CTDP1: variants seen among roughly 807,000 people sequenced by gnomAD.
The protein encoded by CTDP1 is CTD phosphatase 1, also known as RNA polymerase II subunit A C-terminal domain phosphatase.
Under a neutral mutation model 91.8 loss-of-function variants are expected in CTDP1, and 47 were observed. The ratio of observed to expected loss-of-function variants is 0.51; its 90% CI spans 0.41 to 0.65. CTDP1 has a LOEUF of 0.65. Among genes scored for constraint, CTDP1 ranks in the 30% least tolerant of loss-of-function variants. The pLI, the probability that CTDP1 is intolerant of heterozygous loss-of-function variation, is 0.00. For missense variants in CTDP1, 1,272 were observed against 1,373.7 expected, an observed-to-expected ratio of 0.93 and a Z score of 1.17; for synonymous variants, 656 against 598.5, an observed-to-expected ratio of 1.10 and a Z score of -1.40.
At chr18:79,735,761 C>T (rs1172763207) in intron 11 of CTDP1, 1 of 157,570 alleles carries the variant, frequency 6.3e-6, no homozygotes, top group African/African-American at 2.4e-5. Flanking sequence ...TCTGTTGCCA[C>T]TCCCGTCCGC....
At position 79,704,857 on chromosome 18, in the gene CTDP1, A is replaced by G; in HGVS notation, c.712A>G (p.Lys238Glu). 1 of 1,613,996 alleles carries G rather than the reference A, an allele frequency of 6.2e-7. No homozygotes were observed. ...HCKDFLEKIAKLYELHVFTFG... is the reference protein window; with the variant it reads ...HCKDFLEKIAELYELHVFTFG... ...CAAGGACTTCCTGGAGAAGATCGCCAAGCTGTACGAGCTGCACGTCTTCAC... is the reference window on the plus strand; with the variant it reads ...CAAGGACTTCCTGGAGAAGATCGCCGAGCTGTACGAGCTGCACGTCTTCAC... The change falls in exon 5 of 13, where the codon AAG becomes GAG. Residue 238 changes from lysine to glutamate, a missense_variant. Transcript: ENST00000613122.
Position 79,713,587 on chromosome 18 carries a change from C to G in CTDP1, c.1030+449C>G, listed in dbSNP as rs954564094. ...GAGCAGCGTGGTTTAACTTGTCAGTCAGGCATGCAGCTGACGTCCACCCTA... is the reference window on the plus strand; with the variant it reads ...GAGCAGCGTGGTTTAACTTGTCAGTGAGGCATGCAGCTGACGTCCACCCTA... On this transcript the variant is annotated intron_variant, in intron 7 of 12. Transcript: ENST00000613122. This position sits in a 1 kb window ranked among gnomAD's most constrained non-coding sequence, Gnocchi z 4.7. Among the ~76,000 whole-genome samples the G allele has an allele frequency of 3.9e-5, 6 of 152,218 alleles. No homozygotes were observed. The highest frequency in any genetic ancestry group is 1.4e-4 in the African/African-American group (6 of 41,450).
intron 12 of CTDP1, among the ~76,000 whole-genome samples, chr18:79,746,796 T>C (rs922843106): frequency 6.6e-6 from 1 of 152,140 alleles, no homozygotes; most frequent in African/African-American, 2.4e-5. Context: ...TTTTTAAAAT[T>C]TTTTTGTAGA....
In CTDP1 at chr18:79,753,828, T is replaced by G; in HGVS notation, c.*38T>G. On this transcript the variant is annotated 3_prime_UTR_variant, in exon 13 of 13. Transcript: ENST00000613122. ...GGCAGGGACTGAAGCCTGACCGACC[T>G]CCAGCAGCACTCGGACGTCCCCGGA... 3 of 1,606,474 alleles carry G rather than the reference T, an allele frequency of 1.9e-6. No homozygotes were observed. Among genetic ancestry groups the G allele is most frequent in the Non-Finnish European group, 1.7e-6 (2 of 1,177,446 alleles).
intron 4 of CTDP1, 149 bp downstream of exon 4, chr18:79,698,137 G>T: frequency 8.3e-7 from 1 of 1,205,438 alleles, no homozygotes; most frequent in South Asian, 1.3e-5. Context: ...GGCGTGGGCC[G>T]TGTGTCTGCT....
intron 1 of CTDP1, among the ~76,000 whole-genome samples, chr18:79,684,681 C>G (rs1295525128): frequency 1.3e-5 from 2 of 152,202 alleles, no homozygotes; most frequent in Non-Finnish European, 2.9e-5. Flanking sequence ...CAACATTTAT[C>G]CTAACCACAT....
chr18:79,721,450 A>C (rs938156236), intron 10 of CTDP1, among the ~76,000 whole-genome samples: 1 of 152,122 alleles, frequency 6.6e-6, no homozygotes, highest in Non-Finnish European at 1.5e-5. Context: ...CTGTCATTCT[A>C]ATCAGTAGAA....
At chr18:79,694,386 C>T (rs2085699790) in intron 1 of CTDP1, among the ~76,000 whole-genome samples, 1 of 104,952 alleles carries the variant, frequency 9.5e-6, no homozygotes, top group Non-Finnish European at 2.1e-5. Context: ...GAGTGCCGGG[C>T]AGCCTCGTGT....
At chr18:79,680,504 A>C (rs1390897068) in intron 1 of CTDP1, among the ~76,000 whole-genome samples, 1 of 152,238 alleles carries the variant, frequency 6.6e-6, no homozygotes. Context: ...TACTGTTTGG[A>C]AAAGCTATGT....
At chr18:79,678,036 A>T (rs772931756), upstream of CTDP1, 9 of 152,260 alleles carry the variant, frequency 5.9e-5, no homozygotes, top group Non-Finnish European at 1.3e-4. Context: ...GGGCTGGAGA[A>T]AGCAGCAGAG....
chr18:79,714,508 A>C lies in CTDP1; in HGVS notation c.1048A>C (p.Thr350Pro). Reference sequence around the variant, plus strand: ...ATATTTAGTAAATCATTCTCGAGGCACTGAGGTCTCAGAGCCATCTCCGCC... The same window carrying C: ...ATATTTAGTAAATCATTCTCGAGGCCCTGAGGTCTCAGAGCCATCTCCGCC... ...TRKKVNHSRGTEVSEPSPPVR... is the reference protein window; with the variant it reads ...TRKKVNHSRGPEVSEPSPPVR... Residue 350 changes from threonine to proline, a missense_variant, in exon 8 of 13, where the codon ACT becomes CCT. Transcript: ENST00000613122. The C allele has an allele frequency of 6.2e-7, 1 of 1,613,102 alleles. No homozygotes were observed. Among genetic ancestry groups the C allele is most frequent in the Non-Finnish European group, 8.5e-7 (1 of 1,180,004 alleles).
chr18:79,699,882 G>T (rs1049750720), intron 4 of CTDP1, among the ~76,000 whole-genome samples: 7 of 152,196 alleles, frequency 4.6e-5, no homozygotes, highest in Non-Finnish European at 8.8e-5. Context: ...CAGCCTCCTC[G>T]TTAGTGCTCT....
Position 79,710,463 on chromosome 18 carries a change from A to G in CTDP1, c.863+27A>G, listed in dbSNP as rs1428117883. ...TATGTACCCAGCCGCGCTCCTCACA[A>G]AGACCTCGCTGTTCATTTCCCATTT... On this transcript the variant is annotated intron_variant, in intron 6 of 12. Transcript: ENST00000613122. 4.1e-6 allele frequency: 6 copies of G among 1,469,890 alleles called. No individual in the cohort carries two copies. In the Admixed American group the frequency reaches 5.0e-5, roughly 12 times the overall value. 91.1% of individuals were successfully genotyped at this position (1,469,890 alleles called of 1,614,324 possible).
chr18:79,679,541 G>T (rs2085307513), upstream of CTDP1: 1 of 460,156 alleles, frequency 2.2e-6, no homozygotes, highest in Admixed American at 2.3e-5. Context: ...CTCTGTCCGC[G>T]GTGCACGCCG....
At chr18:79,705,528 G>T (rs912174208) in intron 5 of CTDP1, among the ~76,000 whole-genome samples, 1 of 151,778 alleles carries the variant, frequency 6.6e-6, no homozygotes, top group East Asian at 1.9e-4. Flanking sequence ...GACAGCGACC[G>T]TCTGTTCCAC....
At chr18:79,686,853 T>C (rs613419) in intron 1 of CTDP1, among the ~76,000 whole-genome samples, 21,807 of 116,714 alleles carry the variant, frequency 0.19, 2,047 homozygotes, top group Middle Eastern at 0.27. Flanking sequence ...GTTGGCTTCG[T>C]CAGTTCACTG....
At chr18:79,731,088 G>A (rs951347370) in intron 11 of CTDP1, among the ~76,000 whole-genome samples, 14 of 152,140 alleles carry the variant, frequency 9.2e-5, no homozygotes, top group Non-Finnish European at 1.9e-4. Context: ...CCTGTGAGAC[G>A]GACTAGGTAC....
Position 79,753,660 on chromosome 18 carries a change from A to G in CTDP1, c.2756A>G (p.Lys919Arg), listed in dbSNP as rs2087044982. The change falls in exon 13 of 13, where the codon AAG becomes AGG. Residue 919 changes from lysine to arginine, a missense_variant. Lys to Arg is a conservative substitution (Grantham distance 26, BLOSUM62 2). Around this residue, in one of 3 missense-constraint regions of CTDP1, gnomAD observed 881 missense variants for 911.6 expected, o/e 0.97. Coordinates refer to ENST00000613122, the MANE Select transcript of CTDP1 (RefSeq NM_004715.5). ...TGTTTGCTTCTCTGCAGAGGCCACA[A>G]GAGGAAGCTGAATGAAGAGGACGCC... is the stretch of plus-strand genomic sequence containing the variant. ...AAGGRGPRGHKRKLNEEDAAS... is the reference protein window; with the variant it reads ...AAGGRGPRGHRRKLNEEDAAS... 6.2e-7 allele frequency: 1 copy of G among 1,614,058 alleles called. No individual in the cohort carries two copies. Among genetic ancestry groups the G allele is most frequent in the Admixed American group, 1.7e-5 (1 of 60,008 alleles).
rs533070914 is a variant in CTDP1 at position 79,695,987 on chromosome 18, A to G, written c.409A>G (p.Lys137Glu). Residue 137 changes from lysine (K) to glutamate (E), a missense_variant, in exon 3 of 13, where the codon AAG becomes GAG. Lys to Glu is a moderately conservative substitution (Grantham distance 56). Around this residue, in one of 3 missense-constraint regions of CTDP1, gnomAD observed 177 missense variants for 283.0 expected, o/e 0.63. Transcript: ENST00000613122. ...TCCTTGCACTTGCAGGTTGCAGAGTAAGAACGGGAAGCAGCAGGTGCCGCT... is the reference window on the plus strand; with the variant it reads ...TCCTTGCACTTGCAGGTTGCAGAGTGAGAACGGGAAGCAGCAGGTGCCGCT... ...CGQDLTQLQS[K>E]NGKQQVPLST... 2 of 1,612,490 alleles carry G rather than the reference A, an allele frequency of 1.2e-6. No homozygotes were observed. Among genetic ancestry groups the G allele is most frequent in the Admixed American group, 3.3e-5 (2 of 60,030 alleles).
Sources: allele counts gnomAD v4.1 joint callset (sites outside exome capture counted in the v4.1 genomes callset), GRCh38; gene constraint gnomAD v4.1.1; regional missense constraint gnomAD v4.1.1; non-coding constraint Gnocchi (gnomAD v3.1); transcripts MANE v1.5; gene names NCBI Gene and HGNC (gene_info 2026-07-23, HGNC 2026-07-21).